MGAT4C: variants seen among roughly 807,000 people sequenced by gnomAD.
MGAT4C encodes the protein MGAT4 family member C, also known as alpha-1,3-mannosyl-glycoprotein 4-beta-N-acetylglucosaminyltransferase C.
A neutral mutation model predicts 40.1 loss-of-function variants in MGAT4C; 19 were observed. The ratio of observed to expected loss-of-function variants is 0.47; its 90% CI spans 0.33 to 0.70. The LOEUF (loss-of-function observed/expected upper bound fraction) is 0.70. Ranked by LOEUF, MGAT4C falls within the 30% of genes least tolerant of loss-of-function variation. The probability of loss-of-function intolerance (pLI) is 0.02; values close to 1 mark genes in which losing one functional copy is unlikely to be tolerated. For missense variants in MGAT4C, 491 were observed against 563.2 expected, an observed-to-expected ratio of 0.87 and a Z score of 1.30; for synonymous variants, 181 against 187.1, an observed-to-expected ratio of 0.97 and a Z score of 0.27.
intron 2 of MGAT4C, among the ~76,000 whole-genome samples, chr12:86,605,012 T>C (rs1961995852): frequency 6.6e-6 from 1 of 152,096 alleles, no homozygotes; most frequent in Non-Finnish European, 1.5e-5. Context: ...ATTTATGGAC[T>C]ATTAAGTGGG....
chr12:86,764,594 A>G, intron 1 of MGAT4C, among the ~76,000 whole-genome samples: 1 of 59,138 alleles, frequency 1.7e-5, no homozygotes, highest in South Asian at 5.5e-4. Flanking sequence ...ACCCCTGAGC[A>G]GCCTAACTGG....
intron 1 of MGAT4C, among the ~76,000 whole-genome samples, chr12:86,118,138 A>C (rs1479718321): frequency 6.6e-6 from 1 of 152,176 alleles, no homozygotes; most frequent in African/African-American, 2.4e-5. Flanking sequence ...TTTTCTGATT[A>C]TTTCCCAAGG....
intron 1 of MGAT4C, among the ~76,000 whole-genome samples, chr12:86,817,534 T>A (rs1952629942): frequency 6.6e-6 from 1 of 151,530 alleles, no homozygotes; most frequent in Non-Finnish European, 1.5e-5. Context: ...TTCTATGGTT[T>A]TAAAAATTGT....
intron 2 of MGAT4C, among the ~76,000 whole-genome samples, chr12:86,718,224 G>A (rs1000448217): frequency 1.3e-5 from 2 of 152,114 alleles, no homozygotes; most frequent in Non-Finnish European, 2.9e-5. Flanking sequence ...CTGACCCATT[G>A]TTTATGTTTT....
At chr12:85,997,606 A>G (rs1214467899) in intron 2 of MGAT4C, among the ~76,000 whole-genome samples, 1 of 152,170 alleles carries the variant, frequency 6.6e-6, no homozygotes, top group East Asian at 1.9e-4. Context: ...AATTGGTCAA[A>G]ACAAAGGGGT....
intron 3 of MGAT4C, among the ~76,000 whole-genome samples, chr12:86,366,471 C>G (rs1253644620): frequency 1.3e-5 from 2 of 152,078 alleles, no homozygotes; most frequent in Non-Finnish European, 2.9e-5. Context: ...AATGCAAGAA[C>G]AGGAAACCAA....
At chr12:86,836,586 C>T (rs1953040585) in intron 1 of MGAT4C, among the ~76,000 whole-genome samples, 1 of 151,926 alleles carries the variant, frequency 6.6e-6, no homozygotes, top group South Asian at 2.1e-4. Context: ...ATTTCAATGG[C>T]TGGGTAGGTG....
intron 3 of MGAT4C, among the ~76,000 whole-genome samples, chr12:86,401,386 G>T (rs1956360859): frequency 6.6e-6 from 1 of 151,466 alleles, no homozygotes; most frequent in Non-Finnish European, 1.5e-5. Flanking sequence ...AAAAGCCATA[G>T]AATAACAACA....
intron 1 of MGAT4C, among the ~76,000 whole-genome samples, chr12:86,807,700 C>T (rs547705872): frequency 6.6e-6 from 1 of 152,248 alleles, no homozygotes; most frequent in African/African-American, 2.4e-5. Context: ...GGAATCCCCG[C>T]ACTGTCGTCC....
At chr12:86,735,539 T>C (rs1049650461) in intron 1 of MGAT4C, among the ~76,000 whole-genome samples, 2 of 151,894 alleles carry the variant, frequency 1.3e-5, no homozygotes, top group Non-Finnish European at 2.9e-5. Flanking sequence ...CTGTGATGGA[T>C]AGATTTCTAT....
rs149520059 is a variant in MGAT4C, at chr12:86,674,628, C to T, written c.-229+52581G>A. Among the ~76,000 whole-genome samples, 2,542 of 152,022 alleles carry T rather than the reference C, an allele frequency of 0.017. 145 individuals carry two copies. The East Asian group carries it at 0.19, about 11-fold the overall frequency. On this transcript the variant is annotated intron_variant, in intron 2 of 7. Transcript: ENST00000548651. The stretch of plus-strand genomic sequence containing the variant: ...AGGAGAAACTCTTGAACCTGGGAGG[C>T]GGAGTTGCAGTGAGCCGAGATCATG...
At chr12:86,460,683 GAT>G (rs75838372) in intron 2 of MGAT4C, among the ~76,000 whole-genome samples, 9 of 148,628 alleles carry the variant, frequency 6.1e-5, no homozygotes, top group Admixed American at 6.7e-5. Context: ...TCTTAAAGAT[GAT>G]ATATATATAT....
chr12:86,414,015 A>G (rs1306197249), intron 3 of MGAT4C, among the ~76,000 whole-genome samples: 1 of 152,182 alleles, frequency 6.6e-6, no homozygotes, highest in Non-Finnish European at 1.5e-5. Flanking sequence ...TTGACTGCCT[A>G]GAACAAGAAG....
At chr12:86,133,379 A>T (rs905689600) in intron 1 of MGAT4C, among the ~76,000 whole-genome samples, 2 of 152,202 alleles carry the variant, frequency 1.3e-5, no homozygotes, top group African/African-American at 4.8e-5. Context: ...CGACTTTGTT[A>T]CTTGTCTTGC....
At chr12:86,521,969 T>A (rs997347344) in intron 2 of MGAT4C, among the ~76,000 whole-genome samples, 1 of 152,030 alleles carries the variant, frequency 6.6e-6, no homozygotes, top group African/African-American at 2.4e-5. Context: ...TGAGAGTTTG[T>A]TAAAGTTATT....
intron 1 of MGAT4C, among the ~76,000 whole-genome samples, chr12:86,142,750 C>T (rs1469676462): frequency 6.8e-6 from 1 of 146,990 alleles, no homozygotes; most frequent in Non-Finnish European, 1.5e-5. Flanking sequence ...TGGGGGTTGT[C>T]GAGGCTTCAG....
chr12:86,123,868 T>G (rs539396149), intron 1 of MGAT4C, among the ~76,000 whole-genome samples: 1 of 152,240 alleles, frequency 6.6e-6, no homozygotes. Flanking sequence ...GTTTCTATTA[T>G]GAAATTACTA....
At chr12:86,836,204 G>C (rs1349716615) in intron 1 of MGAT4C, among the ~76,000 whole-genome samples, 5 of 152,082 alleles carry the variant, frequency 3.3e-5, no homozygotes, top group Non-Finnish European at 5.9e-5. Flanking sequence ...AGTTAAAGGA[G>C]AATTTGAAAA....
intron 3 of MGAT4C, among the ~76,000 whole-genome samples, chr12:86,393,998 C>T (rs954956285): frequency 1.3e-5 from 2 of 152,068 alleles, no homozygotes; most frequent in Admixed American, 1.3e-4. Context: ...ATGATTTTTT[C>T]TTCCTAGTAT....
Sources: allele counts gnomAD v4.1 joint callset (sites outside exome capture counted in the v4.1 genomes callset), GRCh38; gene constraint gnomAD v4.1.1; transcripts MANE v1.5; gene names NCBI Gene and HGNC (gene_info 2026-07-23, HGNC 2026-07-21).